Variants in NBEAL1 observed in about 807,000 individuals in gnomAD.
The protein encoded by NBEAL1 is neurobeachin-like protein 1.
In NBEAL1, 273 loss-of-function variants were observed where a neutral mutation model predicts 351.3. That is an observed-to-expected ratio of 0.78 (90% CI 0.70 to 0.86). The LOEUF (loss-of-function observed/expected upper bound fraction) is 0.86, where lower values mean the gene tolerates loss of function less well. Among genes scored for constraint, NBEAL1 ranks in the 40% least tolerant of loss-of-function variants. The pLI is 0.00. For missense variants in NBEAL1, 2,961 were observed against 3,201.3 expected (o/e 0.92, Z 1.81); for synonymous variants, 1,050 against 1,086.4 (o/e 0.97, Z 0.66).
At chr2:203,115,880 T>C (rs369168273) in intron 17 of NBEAL1, 105 bp from the exon 18 acceptor site, 58 of 668,310 alleles carry the variant, frequency 8.7e-5, no homozygotes, top group East Asian at 5.5e-4. Flanking sequence ...GCTGTGTTGT[T>C]TGAGTAGCTT....
intron 44 of NBEAL1, 89 bp downstream of exon 44, chr2:203,183,477 T>A: frequency 1.4e-6 from 1 of 738,762 alleles, no homozygotes; most frequent in South Asian, 2.0e-5. Context: ...TAGTTATTTT[T>A]CTAGATTAAT....
intron 54 of NBEAL1, among the ~76,000 whole-genome samples, chr2:203,211,670 C>G (rs1357070020): frequency 6.6e-6 from 1 of 151,860 alleles, no homozygotes; most frequent in Non-Finnish European, 1.5e-5. Flanking sequence ...ATATGTAGAG[C>G]TAGAAAAAAA....
At chr2:203,100,682 G>A (rs1272216171) in intron 12 of NBEAL1, among the ~76,000 whole-genome samples, 2 of 151,958 alleles carry the variant, frequency 1.3e-5, no homozygotes, top group African/African-American at 4.8e-5. Context: ...AAGCAGCTGG[G>A]ATTACAGGTG....
intron 10 of NBEAL1, among the ~76,000 whole-genome samples, chr2:203,094,078 G>T (rs2062126559): frequency 6.6e-6 from 1 of 152,102 alleles, no homozygotes; most frequent in Admixed American, 6.5e-5. Flanking sequence ...GGCATTAAAT[G>T]ATTAGCCCAA....
chr2:203,166,427 G>A (rs2064133729), intron 37 of NBEAL1, 130 bp downstream of exon 37: 1 of 826,390 alleles, frequency 1.2e-6, no homozygotes, highest in East Asian at 3.0e-5. Flanking sequence ...AGTCAGTAAG[G>A]GGTCAAATTT....
At chr2:203,129,915 G>C (rs564192211) in intron 24 of NBEAL1, among the ~76,000 whole-genome samples, 23 of 152,296 alleles carry the variant, frequency 1.5e-4, no homozygotes, top group African/African-American at 5.5e-4. Flanking sequence ...AGATATCAGA[G>C]GCCAGGTGCA....
At chr2:203,020,499 C>T (rs562487067) in intron 2 of NBEAL1, among the ~76,000 whole-genome samples, 123 of 152,004 alleles carry the variant, frequency 8.1e-4, no homozygotes, top group African/African-American at 2.7e-3. Context: ...GGTGAGACCC[C>T]GTCTCTACTA....
intron 3 of NBEAL1, among the ~76,000 whole-genome samples, chr2:203,045,785 A>G (rs1398683399): frequency 1.3e-5 from 2 of 152,210 alleles, no homozygotes; most frequent in African/African-American, 4.8e-5. Flanking sequence ...AGAGGTAACT[A>G]TAAAGTATAA....
At chr2:203,211,731 T>C (rs1235910020) in intron 54 of NBEAL1, among the ~76,000 whole-genome samples, 1 of 152,184 alleles carries the variant, frequency 6.6e-6, no homozygotes, top group African/African-American at 2.4e-5. Context: ...GTCCAAATGA[T>C]GGTTTGAATT....
chr2:203,037,255 T>C lies in NBEAL1; in HGVS notation c.52-4510T>C, dbSNP rs889645631. Among the ~76,000 whole-genome samples, 19 of 149,090 alleles carry C rather than the reference T, an allele frequency of 1.3e-4. 2 individuals carry two copies. Among genetic ancestry groups the C allele is most frequent in the Admixed American group, 1.0e-3 (15 of 14,784 alleles). On this transcript the variant is annotated intron_variant, in intron 2 of 55. Coordinates refer to ENST00000683969, the MANE Select transcript of NBEAL1 (RefSeq NM_001378026.1). ...TTTTATTTCGGGGAAATAAGTTCCT[T>C]GAGTTTCCTTTAACCAAGAGCAGTA...
At chr2:203,188,063 A>G (rs1191853413) in intron 44 of NBEAL1, among the ~76,000 whole-genome samples, 1 of 152,058 alleles carries the variant, frequency 6.6e-6, no homozygotes, top group Non-Finnish European at 1.5e-5. Flanking sequence ...TTTTCCACCT[A>G]AGTGTGGTTT....
chr2:203,190,229 A>G, intron 45 of NBEAL1, 63 bp from the exon 46 acceptor site: 1 of 1,022,510 alleles, frequency 9.8e-7, no homozygotes, highest in Non-Finnish European at 1.5e-6. Context: ...TGATACATTA[A>G]TCAGTGATGT....
At chr2:203,174,890 T>TAA (rs925354968) in intron 41 of NBEAL1, among the ~76,000 whole-genome samples, 2 of 150,348 alleles carry the variant, frequency 1.3e-5, no homozygotes, top group African/African-American at 4.9e-5. Context: ...AATAAATAAA[T>TAA]AAATAAAAAT....
At chr2:203,118,377 T>A (rs902198576) in intron 18 of NBEAL1, among the ~76,000 whole-genome samples, 1 of 152,220 alleles carries the variant, frequency 6.6e-6, no homozygotes, top group African/African-American at 2.4e-5. Flanking sequence ...ATTGCATTGG[T>A]TATAAGGTCT....
At chr2:203,160,799 T>G (rs1299076216) in intron 36 of NBEAL1, among the ~76,000 whole-genome samples, 1 of 150,856 alleles carries the variant, frequency 6.6e-6, no homozygotes, top group Non-Finnish European at 1.5e-5. Context: ...TTCATTGGGG[T>G]TTTTTTGTTT....
In NBEAL1 at chr2:203,192,640, C is replaced by G. The variant is rs573379365; in HGVS notation, c.6922-1155C>G. Among the ~76,000 whole-genome samples the G allele has an allele frequency of 1.6e-3, 251 of 152,226 alleles. 1 individual carries two copies. The highest frequency in any genetic ancestry group is 5.9e-3 in the African/African-American group (245 of 41,550). On this transcript the variant is annotated intron_variant, in intron 46 of 55. Coordinates refer to ENST00000683969, the MANE Select transcript of NBEAL1 (RefSeq NM_001378026.1). ...ACCTCAGGTGATCTGCCTGCCTCAG[C>G]CTCCCAAAATGCTGGGATTACAGGT...
chr2:203,136,855 T>C, intron 29 of NBEAL1, 81 bp downstream of exon 29: 1 of 1,235,978 alleles, frequency 8.1e-7, no homozygotes, highest in South Asian at 1.4e-5. Flanking sequence ...TGAACATTTA[T>C]TCAGTATTCT....
At chr2:203,031,616 A>G (rs898415147) in intron 2 of NBEAL1, among the ~76,000 whole-genome samples, 2 of 152,212 alleles carry the variant, frequency 1.3e-5, no homozygotes, top group Non-Finnish European at 2.9e-5. Context: ...AAAGATGTCA[A>G]ATGTTAAGAA....
intron 18 of NBEAL1, among the ~76,000 whole-genome samples, chr2:203,121,033 C>A (rs1299137364): frequency 6.6e-6 from 1 of 152,060 alleles, no homozygotes; most frequent in African/African-American, 2.4e-5. Context: ...CCTGAAAATT[C>A]GGATTGAATA....
Sources: allele counts gnomAD v4.1 joint callset (sites outside exome capture counted in the v4.1 genomes callset), GRCh38; gene constraint gnomAD v4.1.1; transcripts MANE v1.5; gene names NCBI Gene and HGNC (gene_info 2026-07-23, HGNC 2026-07-21).